Variants in ARHGAP19 observed in about 807,000 individuals in gnomAD.
ARHGAP19 encodes the protein rho GTPase-activating protein 19.
Under a neutral mutation model 60.9 loss-of-function variants are expected in ARHGAP19, and 48 were observed. That is an observed-to-expected ratio of 0.79 (90% confidence interval 0.62 to 1.00). ARHGAP19 has a LOEUF of 1.00. Ranked by LOEUF, ARHGAP19 falls within the 50% of genes least tolerant of loss-of-function variation. The probability of loss-of-function intolerance (pLI) is 0.00; values close to 1 mark genes in which losing one functional copy is unlikely to be tolerated. For synonymous variants in ARHGAP19, 209 were observed against 215.5 expected, an observed-to-expected ratio of 0.97 and a Z score of 0.27; for missense variants, 562 against 597.2, an observed-to-expected ratio of 0.94 and a Z score of 0.61.
In ARHGAP19 at chr10:97,267,502, A is replaced by G. The variant is rs779072868; in HGVS notation, c.57-1377T>C. Among the ~76,000 whole-genome samples the G allele has an allele frequency of 5.3e-5, 8 of 152,342 alleles. No individual in the cohort carries two copies. The East Asian group carries it at 5.8e-4, about 11-fold the overall frequency. ...CACAATTCCACTAGGCAGTGCCCCA[A>G]TGGGGACTCTGTATGGGGGCTCCCA... On this transcript the variant is annotated intron_variant, in intron 1 of 11. Coordinates refer to ENST00000358531, the MANE Select transcript of ARHGAP19 (RefSeq NM_032900.6).
intron 1 of ARHGAP19, among the ~76,000 whole-genome samples, chr10:97,283,646 G>A (rs576503428): frequency 6.6e-6 from 1 of 151,956 alleles, no homozygotes; most frequent in East Asian, 1.9e-4. Flanking sequence ...GGGAAACCAA[G>A]ATAGAAATCA....
intron 6 of ARHGAP19, among the ~76,000 whole-genome samples, chr10:97,255,540 G>A (rs556871957): frequency 3.9e-5 from 6 of 152,216 alleles, no homozygotes; most frequent in African/African-American, 1.2e-4. Flanking sequence ...CTGTACCAAT[G>A]CACTCCAGCC....
At chr10:97,292,533 G>A (rs1410644370) in intron 1 of ARHGAP19, 39 bp downstream of exon 1, 2 of 1,613,654 alleles carry the variant, frequency 1.2e-6, no homozygotes, top group Admixed American at 1.7e-5. Context: ...ACCAGCCCAA[G>A]GCCGCGTTTC....
rs572870851 is a variant in ARHGAP19 at position 97,229,935 on chromosome 10, T to C, written c.1285-61A>G. 82 of 1,211,846 alleles carry C rather than the reference T, an allele frequency of 6.8e-5. No homozygotes were observed. In the African/African-American group the frequency reaches 1.1e-3, roughly 16 times the overall value. The allele number at this position is 1,211,846 out of a possible 1,614,324, so 75.1% of individuals were successfully genotyped here. A position where few individuals can be genotyped will look rare whatever the true frequency, so the allele number is the denominator to read the frequency against. On this transcript the variant is annotated intron_variant, in intron 9 of 11. Coordinates refer to ENST00000358531, the MANE Select transcript of ARHGAP19 (RefSeq NM_032900.6). ...ACCTACTGCATCTACAGTGGAGCTA[T>C]ACTAGCCTTCAAAACTGTAATGTCC...
chr10:97,228,659 T>C (rs1189225932), intron 11 of ARHGAP19, among the ~76,000 whole-genome samples: 2 of 152,166 alleles, frequency 1.3e-5, no homozygotes, highest in African/African-American at 4.8e-5. Flanking sequence ...CAGCATTAAA[T>C]AGTCCTCTTT....
intron 6 of ARHGAP19, 111 bp from the exon 7 acceptor site, chr10:97,246,448 A>C: frequency 1.2e-6 from 1 of 831,036 alleles, no homozygotes; most frequent in East Asian, 2.6e-5. Context: ...GATTACTTTT[A>C]AAAAGCCAAA....
rs761296922 is a variant in ARHGAP19 at position 97,263,535 on chromosome 10, C to T, written c.498G>A (p.Leu166=). ...DALNNGTDID[L]ESGEFHSNDV... is the part of the protein sequence containing the mutation. ...CATTTGAGTGAAATTCCCCTGATTCCAAGTCAATGTCAGTTCCATTATTGA... is the reference window on the plus strand; with the variant it reads ...CATTTGAGTGAAATTCCCCTGATTCTAAGTCAATGTCAGTTCCATTATTGA... The change falls in exon 4 of 12, where the codon TTG becomes TTA. Residue 166 remains leucine (L), a synonymous_variant. Transcript: ENST00000358531. 3 of 1,614,124 alleles carry T rather than the reference C, an allele frequency of 1.9e-6. No individual in the cohort carries two copies. In the Admixed American group the frequency reaches 5.0e-5, roughly 27 times the overall value.
At chr10:97,270,644 G>A (rs878967636) in intron 1 of ARHGAP19, 11 of 1,547,894 alleles carry the variant, frequency 7.1e-6, no homozygotes, top group Middle Eastern at 1.7e-4. Flanking sequence ...TTGGTAAATC[G>A]AAGAGACAGG....
At chr10:97,247,670 G>C (rs1344101137) in intron 6 of ARHGAP19, among the ~76,000 whole-genome samples, 3 of 151,874 alleles carry the variant, frequency 2.0e-5, no homozygotes, top group African/African-American at 7.3e-5. Context: ...GGAAAGAAAG[G>C]AAGGAACAGA....
intron 8 of ARHGAP19, among the ~76,000 whole-genome samples, chr10:97,239,548 GAGGGTGTGTGT>G (rs1564713452): frequency 9.1e-6 from 1 of 110,236 alleles, no homozygotes; most frequent in South Asian, 3.3e-4. Flanking sequence ...GAGAGAGAGA[GAGGGTGTGTGT>G]GTGTGTGTGT....
chr10:97,292,436 C>G, intron 1 of ARHGAP19, 136 bp downstream of exon 1: 1 of 1,164,174 alleles, frequency 8.6e-7, no homozygotes, highest in Admixed American at 2.0e-5. Context: ...TCAGCCCCCG[C>G]AGGCGCGACG....
chr10:97,232,724 T>C (rs1393950866), intron 9 of ARHGAP19, among the ~76,000 whole-genome samples: 1 of 151,336 alleles, frequency 6.6e-6, no homozygotes, highest in Non-Finnish European at 1.5e-5. Flanking sequence ...AAAATTACAG[T>C]AAGATGAATT....
At chr10:97,262,008 T>A (rs753060314) in intron 4 of ARHGAP19, among the ~76,000 whole-genome samples, 6 of 152,072 alleles carry the variant, frequency 3.9e-5, no homozygotes, top group Non-Finnish European at 8.8e-5. Context: ...AAGGAATATA[T>A]GTATTTGTTT....
chr10:97,283,995 G>A (rs550941117), intron 1 of ARHGAP19, among the ~76,000 whole-genome samples: 52 of 151,626 alleles, frequency 3.4e-4, no homozygotes, highest in Non-Finnish European at 6.8e-4. Context: ...GCACAGTGGT[G>A]TCATCATAGC....
chr10:97,229,932 C>T (rs1850975991), intron 9 of ARHGAP19, 58 bp from the exon 10 acceptor site: 1 of 1,212,620 alleles, frequency 8.2e-7, no homozygotes, highest in Non-Finnish European at 1.2e-6. Context: ...TACAGTGGAG[C>T]TATACTAGCC....
At chr10:97,278,828 G>GGCTCTC (rs1843050158) in intron 1 of ARHGAP19, among the ~76,000 whole-genome samples, 1 of 151,170 alleles carries the variant, frequency 6.6e-6, no homozygotes, top group Non-Finnish European at 1.5e-5. Flanking sequence ...AAAAAAAACT[G>GGCTCTC]CATCCTGCAG....
intron 4 of ARHGAP19, 49 bp downstream of exon 4, chr10:97,263,371 T>C (rs746942265): frequency 6.4e-7 from 1 of 1,568,700 alleles, no homozygotes; most frequent in East Asian, 2.2e-5. Context: ...GGAACTTTAC[T>C]AAATTGAAAG....
At chr10:97,241,762 CACTT>C (rs1842486211) in intron 8 of ARHGAP19, among the ~76,000 whole-genome samples, 1 of 150,666 alleles carries the variant, frequency 6.6e-6, no homozygotes, top group Non-Finnish European at 1.5e-5. Flanking sequence ...ATAATCCCAG[CACTT>C]TGGGAGGCCG....
intron 1 of ARHGAP19, among the ~76,000 whole-genome samples, chr10:97,279,639 T>A (rs1229345515): frequency 6.6e-6 from 1 of 152,094 alleles, no homozygotes; most frequent in East Asian, 1.9e-4. Flanking sequence ...ACCATAGACA[T>A]GCACAGCCAC....
Sources: gnomAD v4.1 joint callset for allele counts (sites outside exome capture counted in the v4.1 genomes callset) on GRCh38, gnomAD v4.1.1 for gene constraint, MANE v1.5 for transcripts, NCBI Gene and HGNC (gene_info 2026-07-23, HGNC 2026-07-21) for gene names.